Variants in GABRG2 observed in about 807,000 individuals in gnomAD.
The protein encoded by GABRG2 is gamma-aminobutyric acid receptor subunit gamma-2.
Under a neutral mutation model 56.4 loss-of-function variants are expected in GABRG2, and 16 were observed. The observed-to-expected ratio is 0.28, with a 90% confidence interval of 0.19 to 0.43. The LOEUF (loss-of-function observed/expected upper bound fraction) is 0.43, where lower values mean the gene tolerates loss of function less well. Among genes scored for constraint, GABRG2 ranks in the 20% least tolerant of loss-of-function variants. The pLI is 1.00. For missense variants in GABRG2, 327 were observed against 582.7 expected, an observed-to-expected ratio of 0.56 and a Z score of 4.52; for synonymous variants, 208 against 205.5, an observed-to-expected ratio of 1.01 and a Z score of -0.10.
intron 1 of GABRG2, among the ~76,000 whole-genome samples, chr5:162,069,407 A>G (rs1304386049): frequency 1.3e-5 from 2 of 152,204 alleles, no homozygotes; most frequent in African/African-American, 4.8e-5. Context: ...TGGGTCGACA[A>G]TCTTACATGG....
chr5:162,094,151 C>G (rs1760826238), intron 2 of GABRG2, 172 bp downstream of exon 2: 3 of 638,274 alleles, frequency 4.7e-6, no homozygotes, highest in Admixed American at 5.6e-5. Flanking sequence ...GGAGAGGTGT[C>G]AATACATTCA....
intron 6 of GABRG2, among the ~76,000 whole-genome samples, chr5:162,113,887 G>C (rs1047766991): frequency 6.6e-6 from 1 of 152,114 alleles, no homozygotes; most frequent in Non-Finnish European, 1.5e-5. Flanking sequence ...TAAGAGTGAA[G>C]TAGAATTGGT....
intron 6 of GABRG2, chr5:162,128,198 G>T (rs1763475688): frequency 4.6e-5 from 7 of 151,968 alleles, no homozygotes; most frequent in Admixed American, 4.6e-4. Flanking sequence ...TGCACGCCAA[G>T]CCAAACATCT....
intron 6 of GABRG2, among the ~76,000 whole-genome samples, chr5:162,115,853 A>T (rs1385271100): frequency 6.6e-6 from 1 of 152,128 alleles, no homozygotes; most frequent in African/African-American, 2.4e-5. Flanking sequence ...AATAATGATA[A>T]TGATAATAAT....
chr5:162,117,743 A>T (rs531984704), intron 6 of GABRG2, among the ~76,000 whole-genome samples: 1 of 152,258 alleles, frequency 6.6e-6, no homozygotes, highest in South Asian at 2.1e-4. Context: ...TCTACCCAAG[A>T]CTGAATTAGT....
chr5:162,103,683 CT>C (rs1761601073), intron 5 of GABRG2: 3 of 595,024 alleles, frequency 5.0e-6, no homozygotes, highest in African/African-American at 1.9e-5. Flanking sequence ...TAAATTTGAC[CT>C]TTGGATTTTT....
At chr5:162,122,627 T>C (rs1340739609) in intron 6 of GABRG2, among the ~76,000 whole-genome samples, 1 of 151,674 alleles carries the variant, frequency 6.6e-6, no homozygotes, top group East Asian at 1.9e-4. Context: ...ATTTCAATTG[T>C]CTTGAAATAT....
At chr5:162,082,493 G>A (rs1047602231) in intron 1 of GABRG2, among the ~76,000 whole-genome samples, 6 of 151,528 alleles carry the variant, frequency 4.0e-5, no homozygotes, top group Admixed American at 2.6e-4. Context: ...ATTTCATTGG[G>A]GATTTTTTAT....
chr5:162,068,149 G>A (rs776744057), intron 1 of GABRG2, 43 bp downstream of exon 1: 3 of 1,401,638 alleles, frequency 2.1e-6, no homozygotes, highest in Non-Finnish European at 3.0e-6. Flanking sequence ...CTGAAGAGGT[G>A]GGGGGAAGGT....
intron 6 of GABRG2, among the ~76,000 whole-genome samples, chr5:162,130,782 C>G (rs1165057252): frequency 6.6e-6 from 1 of 151,828 alleles, no homozygotes; most frequent in Middle Eastern, 3.2e-3. Flanking sequence ...TACTTTTTCT[C>G]CTCCAAGGCT....
chr5:162,110,630 AAACAACAAC>A (rs200545264), intron 6 of GABRG2, among the ~76,000 whole-genome samples: 44 of 151,508 alleles, frequency 2.9e-4, no homozygotes, highest in East Asian at 2.3e-3. Context: ...GTTGGAAGGG[AAACAACAAC>A]AACAACAACA....
chr5:162,092,846 A>G (rs1005045564), intron 1 of GABRG2, among the ~76,000 whole-genome samples: 1 of 152,152 alleles, frequency 6.6e-6, no homozygotes, highest in Non-Finnish European at 1.5e-5. Flanking sequence ...ACTCTAAACT[A>G]CAAAAGTAAC....
intron 6 of GABRG2, among the ~76,000 whole-genome samples, chr5:162,106,998 T>C (rs1761884345): frequency 6.6e-6 from 1 of 152,138 alleles, no homozygotes; most frequent in African/African-American, 2.4e-5. Flanking sequence ...GATCCTCTCC[T>C]TCCTCCCAAC....
At chr5:162,142,462 A>G (rs1025538461) in intron 7 of GABRG2, 146 bp downstream of exon 7, 4 of 862,930 alleles carry the variant, frequency 4.6e-6, no homozygotes, top group East Asian at 5.3e-5. Context: ...GAGAACTGGC[A>G]TTTTTAATTC....
At chr5:162,098,700 A>G (rs1364575048) in intron 4 of GABRG2, 1 of 152,166 alleles carries the variant, frequency 6.6e-6, no homozygotes, top group Non-Finnish European at 1.5e-5. Flanking sequence ...GCTATCTGGT[A>G]GCAGGACTTT....
chr5:162,141,562 A>G (rs1344690986), intron 6 of GABRG2, among the ~76,000 whole-genome samples: 1 of 152,292 alleles, frequency 6.6e-6, no homozygotes, highest in Admixed American at 6.5e-5. Flanking sequence ...AGGGGGAAAG[A>G]TACTGCAAAA....
chr5:162,109,389 A>AT (rs1554098562), intron 6 of GABRG2, among the ~76,000 whole-genome samples: 33 of 116,232 alleles, frequency 2.8e-4, no homozygotes, highest in African/African-American at 1.2e-3. Flanking sequence ...CTTAAAGTAT[A>AT]ATATATATAT....
intron 1 of GABRG2, among the ~76,000 whole-genome samples, chr5:162,086,979 T>C (rs1760171036): frequency 1.3e-5 from 2 of 152,088 alleles, no homozygotes; most frequent in South Asian, 2.1e-4. Context: ...TTCTGGGTTA[T>C]AGAGTACAGA....
At chr5:162,090,071 T>C (rs1160168686) in intron 1 of GABRG2, among the ~76,000 whole-genome samples, 1 of 152,154 alleles carries the variant, frequency 6.6e-6, no homozygotes, top group Non-Finnish European at 1.5e-5. Flanking sequence ...ATAAGATTGA[T>C]TTTTACTTCT....
Sources: allele counts gnomAD v4.1 joint callset (sites outside exome capture counted in the v4.1 genomes callset), GRCh38; gene constraint gnomAD v4.1.1; transcripts MANE v1.5; gene names NCBI Gene and HGNC (gene_info 2026-07-23, HGNC 2026-07-21).